ARFGEF1: variants seen among roughly 807,000 people sequenced by gnomAD.
ARFGEF1 encodes ARF guanine nucleotide exchange factor 1, also known as brefeldin A-inhibited guanine nucleotide-exchange protein 1.
A neutral mutation model predicts 231.0 loss-of-function variants in ARFGEF1; 42 were observed. That is an observed-to-expected ratio of 0.18 (90% CI 0.14 to 0.24). ARFGEF1 has a LOEUF of 0.24. ARFGEF1 is among the 10% of genes least tolerant of loss of function. The probability of loss-of-function intolerance (pLI) is 1.00; values close to 1 mark genes in which losing one functional copy is unlikely to be tolerated. For synonymous variants in ARFGEF1, 710 were observed against 732.3 expected (o/e 0.97, Z 0.49); for missense variants, 1,345 against 2,192.0 (o/e 0.61, Z 7.72).
At chr8:67,175,195 A>T, downstream of ARFGEF1, 1 of 830,164 alleles carries the variant, frequency 1.2e-6, no homozygotes, top group Non-Finnish European at 2.0e-6. Context: ...CATTTCCTTG[A>T]TTTTGAAATT....
intron 4 of ARFGEF1, among the ~76,000 whole-genome samples, chr8:67,297,264 G>A (rs1291556881): frequency 4.6e-5 from 7 of 152,190 alleles, no homozygotes. Context: ...TGAGATATCT[G>A]TTGAACTAGA....
chr8:67,244,242 CAAAA>C (rs34333039), intron 19 of ARFGEF1, among the ~76,000 whole-genome samples: 19 of 20,096 alleles, frequency 9.5e-4, no homozygotes, highest in African/African-American at 2.8e-3. Flanking sequence ...GACTCCACCT[CAAAA>C]AAAAAAAAAA....
intron 33 of ARFGEF1, among the ~76,000 whole-genome samples, chr8:67,213,425 C>T (rs1172): frequency 6.6e-6 from 1 of 152,030 alleles, no homozygotes; most frequent in South Asian, 2.1e-4. Context: ...AATTGTGTGT[C>T]TGGGAGGCAG....
At chr8:67,212,740 T>TA (rs1480985001) in intron 33 of ARFGEF1, among the ~76,000 whole-genome samples, 2 of 152,190 alleles carry the variant, frequency 1.3e-5, no homozygotes, top group Non-Finnish European at 2.9e-5. Context: ...ATCAAAACAA[T>TA]ACGTTAGCTT....
At position 67,287,939 on chromosome 8, in the gene ARFGEF1, G is replaced by GA. The variant is rs754342450; in HGVS notation, c.1027+15dup. The GA allele has an allele frequency of 6.6e-7, 1 of 1,512,576 alleles. No homozygotes were observed. The highest frequency in any genetic ancestry group is 1.3e-5 in the South Asian group (1 of 77,720). 93.7% of individuals were successfully genotyped at this position (1,512,576 alleles called of 1,614,324 possible). On this transcript the variant is annotated intron_variant, in intron 7 of 38. Transcript: ENST00000262215. ...CCCATAGACAGAGTAAAATAATTTT[G>GA]AATGAAGTATACTACCTCCAACAAC...
downstream of ARFGEF1, chr8:67,193,589 A>G: frequency 6.2e-7 from 1 of 1,613,420 alleles, no homozygotes; most frequent in Non-Finnish European, 8.5e-7. Flanking sequence ...TTCACAATAA[A>G]CCTATTAATA....
chr8:67,306,686 T>C (rs977367970), intron 1 of ARFGEF1, among the ~76,000 whole-genome samples: 1 of 152,262 alleles, frequency 6.6e-6, no homozygotes, highest in Non-Finnish European at 1.5e-5. Context: ...ATATATAGTA[T>C]AGTTTACAAA....
In ARFGEF1 at chr8:67,270,714, TAAA is replaced by T. The variant is rs11349768; in HGVS notation, c.1572+985_1572+987del. On this transcript the variant is annotated intron_variant, in intron 10 of 38. Coordinates refer to ENST00000262215, the MANE Select transcript of ARFGEF1 (RefSeq NM_006421.5). Reference sequence around the variant, plus strand: ...CAAAAAATCAGAAACTGGTACACCTTAAAAAAAAAAAAAAAAAAAACCACATAA... The same window carrying T: ...CAAAAAATCAGAAACTGGTACACCTTAAAAAAAAAAAAAAAAACCACATAA... 4.9e-3 allele frequency among the ~76,000 whole-genome samples: 630 copies of T among 127,598 alleles called. 4 individuals are homozygous for T. The highest frequency in any genetic ancestry group is 0.017 in the African/African-American group (595 of 34,494). 83.7% of individuals were successfully genotyped at this position (127,598 alleles called of 152,430 possible).
chr8:67,242,248 G>C (rs1587118151), intron 19 of ARFGEF1, among the ~76,000 whole-genome samples: 1 of 152,310 alleles, frequency 6.6e-6, no homozygotes, highest in Non-Finnish European at 1.5e-5. Flanking sequence ...GGCTAAGGGA[G>C]TGCTGGCATC....
At chr8:67,195,146 C>T (rs966167113), downstream of ARFGEF1, among the ~76,000 whole-genome samples, 7 of 152,144 alleles carry the variant, frequency 4.6e-5, no homozygotes, top group African/African-American at 7.2e-5. Flanking sequence ...ATGGAGTCAG[C>T]TTACTCAGTT....
chr8:67,228,121 G>A lies in ARFGEF1; in HGVS notation c.3433C>T (p.Arg1145Cys), dbSNP rs778208022. The A allele has an allele frequency of 1.2e-6, 2 of 1,610,302 alleles. No individual in the cohort carries two copies. The highest frequency in any genetic ancestry group is 1.7e-6 in the Non-Finnish European group (2 of 1,178,712). Residue 1145 changes from arginine (R) to cysteine (C), a missense_variant, in exon 25 of 39, where the codon CGT (arginine) becomes TGT (cysteine). Coordinates refer to ENST00000262215, the MANE Select transcript of ARFGEF1 (RefSeq NM_006421.5). ...TCCATAGACACAGCACAGAGCCAAC[G>A]GACAAAATCCACTGTAATATAAATA... ...LDGNAIVDFV[R>C]WLCAVSMDEL...
chr8:67,310,666 G>A (rs1352184359), intron 1 of ARFGEF1, among the ~76,000 whole-genome samples: 1 of 151,290 alleles, frequency 6.6e-6, no homozygotes, highest in Non-Finnish European at 1.5e-5. Flanking sequence ...GTCTCTGCCC[G>A]GCCGCCCATC....
chr8:67,192,078 GTTTT>G (rs71249424), intron 5 of ARFGEF1, among the ~76,000 whole-genome samples: 4 of 127,718 alleles, frequency 3.1e-5, no homozygotes, highest in African/African-American at 9.3e-5. Flanking sequence ...TTTTTTTTTT[GTTTT>G]TTTTTTTTGA....
At chr8:67,238,592 A>G (rs1313332546) in intron 21 of ARFGEF1, 99 bp from the exon 22 acceptor site, 4 of 1,409,656 alleles carry the variant, frequency 2.8e-6, no homozygotes, top group Non-Finnish European at 3.8e-6. Context: ...AGACTACACT[A>G]TAGATTATTT....
chr8:67,325,366 TTCTCA>T lies in ARFGEF1; in HGVS notation c.124+17793_124+17797del, dbSNP rs1424361326. 4.6e-5 allele frequency among the ~76,000 whole-genome samples: 7 copies of T among 152,312 alleles called. No homozygotes were observed. The East Asian group carries it at 7.7e-4, about 17-fold the overall frequency. On this transcript the variant is annotated intron_variant, in intron 1 of 38. Transcript: ENST00000262215. ...CAAAGCAAAGGTTGTTTTTAATGCTTTCTCATCTCATCACTTCAAAGGTTGTTTTT... is the reference window on the plus strand; with the variant it reads ...CAAAGCAAAGGTTGTTTTTAATGCTTTCTCATCACTTCAAAGGTTGTTTTT...
intron 10 of ARFGEF1, 88 bp from the exon 11 acceptor site, chr8:67,267,530 G>T: frequency 1.2e-6 from 1 of 820,780 alleles, no homozygotes; most frequent in Non-Finnish European, 2.0e-6. Context: ...CTATAGAGCA[G>T]GTATTAGGAC....
intron 33 of ARFGEF1, among the ~76,000 whole-genome samples, chr8:67,215,197 G>A (rs769682223): frequency 6.6e-6 from 1 of 152,158 alleles, no homozygotes; most frequent in Non-Finnish European, 1.5e-5. Flanking sequence ...ACTCAAGAGT[G>A]TCATCCATCC....
chr8:67,337,880 T>C (rs1239729498), intron 1 of ARFGEF1, among the ~76,000 whole-genome samples: 1 of 152,236 alleles, frequency 6.6e-6, no homozygotes, highest in Non-Finnish European at 1.5e-5. Context: ...GGTTCACTGC[T>C]GTATACCCAG....
At chr8:67,190,390 G>A (rs900962755) in intron 5 of ARFGEF1, among the ~76,000 whole-genome samples, 6 of 152,012 alleles carry the variant, frequency 3.9e-5, no homozygotes, top group Non-Finnish European at 2.9e-5. Flanking sequence ...AGCCGTGTTT[G>A]CCCGGGGCCA....
Sources: gnomAD v4.1 joint callset for allele counts (sites outside exome capture counted in the v4.1 genomes callset) on GRCh38, gnomAD v4.1.1 for gene constraint, MANE v1.5 for transcripts, NCBI Gene and HGNC (gene_info 2026-07-23, HGNC 2026-07-21) for gene names.